The following ZC3HAV1 variants were observed in gnomAD, a reference collection of about 807,000 sequenced individuals.
ZC3HAV1 encodes the protein zinc finger CCCH-type containing, antiviral 1, also known as zinc finger CCCH-type antiviral protein 1.
ZC3HAV1 carries 41 observed loss-of-function variants against 86.6 expected under a neutral mutation model. The observed-to-expected ratio is 0.47, with a 90% confidence interval of 0.37 to 0.61. The LOEUF (loss-of-function observed/expected upper bound fraction) is 0.61. Among genes scored for constraint, ZC3HAV1 ranks in the 20% least tolerant of loss-of-function variants. The probability of loss-of-function intolerance (pLI) is 0.00; values close to 1 mark genes in which losing one functional copy is unlikely to be tolerated. For missense variants in ZC3HAV1, 964 were observed against 1,141.1 expected, an observed-to-expected ratio of 0.84 and a Z score of 2.24; for synonymous variants, 421 against 432.1, an observed-to-expected ratio of 0.97 and a Z score of 0.32.
chr7:139,066,357 C>T (rs887897632), intron 7 of ZC3HAV1, among the ~76,000 whole-genome samples: 6 of 152,264 alleles, frequency 3.9e-5, no homozygotes, highest in Non-Finnish European at 7.4e-5. Flanking sequence ...CCAAGGAAAA[C>T]GTCCTGCACA....
chr7:139,076,471 A>G, intron 5 of ZC3HAV1, 62 bp from the exon 6 acceptor site: 9 of 1,599,180 alleles, frequency 5.6e-6, no homozygotes, highest in Non-Finnish European at 7.7e-6. Context: ...AATTCAGTCA[A>G]GTTCACTGCC....
chr7:139,106,475 A>C (rs35923157), intron 1 of ZC3HAV1, among the ~76,000 whole-genome samples: 34,256 of 152,002 alleles, frequency 0.23, 4,086 homozygotes, highest in East Asian at 0.44. Context: ...TTAGCCAAGC[A>C]TGGTGGCACA....
Position 139,108,394 on chromosome 7 carries a change from G to A in ZC3HAV1, c.308+630C>T, listed in dbSNP as rs1297755134. 6.6e-6 allele frequency among the ~76,000 whole-genome samples: 1 copy of A among 152,154 alleles called. No individual in the cohort carries two copies. Among genetic ancestry groups the A allele is most frequent in the Non-Finnish European group, 1.5e-5 (1 of 68,024 alleles). ...GGTCAACTGCGCGCGCCACCGTAGA[G>A]AGACCACCCGGAGGGAAGGCCCGCG... On this transcript the variant is annotated intron_variant, in intron 1 of 12. Transcript: ENST00000242351. The surrounding 1 kb of genome is among the most constrained non-coding windows in gnomAD (Gnocchi z 4.2).
Position 139,109,253 on chromosome 7 carries a change from G to A in ZC3HAV1, c.79C>T (p.Leu27Phe). The stretch of plus-strand genomic sequence containing the variant: ...GGCTCAGACAGCGCGATCTCCTGGA[G>A]CAGCGCGTCCAGGGCCATGCGGCCC... ...HGGRMALDAL[L>F]QEIALSEPQL... Residue 27 changes from leucine to phenylalanine, a missense_variant, in exon 1 of 13, where the codon CTC becomes TTC. Physicochemically the swap from Leu to Phe is conservative, Grantham distance 22. Transcript: ENST00000242351. 1 of 1,612,078 alleles carries A rather than the reference G, an allele frequency of 6.2e-7. No individual in the cohort carries two copies. Among genetic ancestry groups the A allele is most frequent in the Non-Finnish European group, 8.5e-7 (1 of 1,179,514 alleles).
chr7:139,083,853 G>C lies in ZC3HAV1; in HGVS notation c.624C>G (p.Asn208Lys), dbSNP rs1817199927. 6.2e-7 allele frequency: 1 copy of C among 1,614,106 alleles called. No homozygotes were observed. Among genetic ancestry groups the C allele is most frequent in the Non-Finnish European group, 8.5e-7 (1 of 1,180,026 alleles). ...CCTGGATGTTCTGGACCACGTCGGG[G>C]TTCAGCCCGTGCTCCCTCATGATGG... ...VLAIMREHGL[N>K]PDVVQNIQDI... The change falls in exon 3 of 13, where the codon AAC becomes AAG. Residue 208 changes from asparagine to lysine, a missense_variant. Asn to Lys is a moderately conservative substitution (Grantham distance 94). Coordinates refer to ENST00000242351, the MANE Select transcript of ZC3HAV1 (RefSeq NM_020119.4).
intron 4 of ZC3HAV1, 37 bp from the exon 5 acceptor site, chr7:139,078,690 A>G (rs1410307105): frequency 6.8e-7 from 1 of 1,470,638 alleles, no homozygotes; most frequent in Non-Finnish European, 9.2e-7. Context: ...TGCTGATCTT[A>G]ATGTTTAAAC....
At chr7:139,071,902 T>C (rs1261517115) in intron 7 of ZC3HAV1, among the ~76,000 whole-genome samples, 2 of 152,232 alleles carry the variant, frequency 1.3e-5, no homozygotes, top group African/African-American at 2.4e-5. Context: ...GGGCTGTTTG[T>C]GGTTGAGGAC....
rs1815937141 is a variant in ZC3HAV1 at position 139,045,806 on chromosome 7, C to T, written c.*1788G>A. 1 of 151,014 alleles carries T rather than the reference C, an allele frequency of 6.6e-6. No homozygotes were observed. The highest frequency in any genetic ancestry group is 2.4e-5 in the African/African-American group (1 of 41,084). 9.4% of individuals were successfully genotyped at this position (151,014 alleles called of 1,614,324 possible). On this transcript the variant is annotated 3_prime_UTR_variant, in exon 13 of 13. Coordinates refer to ENST00000242351, the MANE Select transcript of ZC3HAV1 (RefSeq NM_020119.4). ...GTGAGGGTCAAGTTCAGAAAATGAA[C>T]ACTCCAAAACGAAAGTTACCATGAA... is the stretch of plus-strand genomic sequence containing the variant.
rs1437194019 is a variant in ZC3HAV1 at position 139,047,621 on chromosome 7, A to C, written c.2682T>G (p.Thr894=). The C allele has an allele frequency of 9.3e-6, 15 of 1,614,116 alleles. No homozygotes were observed. Among genetic ancestry groups the C allele is most frequent in the Non-Finnish European group, 1.2e-5 (14 of 1,180,022 alleles). Residue 894 remains threonine, a synonymous_variant, in exon 13 of 13, where the codon ACT becomes ACG. Transcript: ENST00000242351. The part of the protein sequence containing the change: ...QVYPQYVIEY[T]EDKACVIS The stretch of plus-strand genomic sequence containing the variant: ...AACTAATCACGCAGGCTTTGTCTTC[A>C]GTATATTCAATCACATATTGTGGGT...
At chr7:139,095,992 C>T (rs992755127) in intron 1 of ZC3HAV1, among the ~76,000 whole-genome samples, 1 of 150,110 alleles carries the variant, frequency 6.7e-6, no homozygotes, top group Non-Finnish European at 1.5e-5. Context: ...CAGGTGGTGG[C>T]GTTACTGCTA....
rs1007369704 is a variant in ZC3HAV1 at position 139,108,874 on chromosome 7, C to T, written c.308+150G>A. Reference sequence around the variant, plus strand: ...GAAGCGCGGGCCCTGCAGAGGCTCCCAGAGGGGAGCAGAGAAGGGAGTGGC... The same window carrying T: ...GAAGCGCGGGCCCTGCAGAGGCTCCTAGAGGGGAGCAGAGAAGGGAGTGGC... On this transcript the variant is annotated intron_variant, in intron 1 of 12. Coordinates refer to ENST00000242351, the MANE Select transcript of ZC3HAV1 (RefSeq NM_020119.4). The surrounding 1 kb of genome is among the most constrained non-coding windows in gnomAD (Gnocchi z 4.2). 3.7e-6 allele frequency: 4 copies of T among 1,068,222 alleles called. No homozygotes were observed. The highest frequency in any genetic ancestry group is 5.3e-6 in the Non-Finnish European group (4 of 755,204). 66.2% of individuals were successfully genotyped at this position (1,068,222 alleles called of 1,614,324 possible).
chr7:139,060,486 ATC>A (rs1816410480), intron 9 of ZC3HAV1: 1 of 992,408 alleles, frequency 1.0e-6, no homozygotes, highest in Non-Finnish European at 1.2e-6. Flanking sequence ...CCTTTTTTCT[ATC>A]TCTTTCTCCG....
At chr7:139,054,970 G>A (rs1178527275) in intron 10 of ZC3HAV1, among the ~76,000 whole-genome samples, 2 of 151,856 alleles carry the variant, frequency 1.3e-5, no homozygotes, top group African/African-American at 4.8e-5. Context: ...TTGTATTTTC[G>A]GTAGAGACAG....
At chr7:139,100,634 C>T (rs1817724810) in intron 1 of ZC3HAV1, among the ~76,000 whole-genome samples, 1 of 152,188 alleles carries the variant, frequency 6.6e-6, no homozygotes. Flanking sequence ...CTGACGATAC[C>T]ACTTGGCCAC....
At chr7:139,060,305 A>G (rs569884683) in intron 9 of ZC3HAV1, 8 of 985,460 alleles carry the variant, frequency 8.1e-6, no homozygotes, top group Middle Eastern at 5.2e-4. Context: ...GTAATCACAC[A>G]TCACCCAGAA....
chr7:139,065,643 C>T (rs970983809), intron 7 of ZC3HAV1, among the ~76,000 whole-genome samples: 1 of 152,172 alleles, frequency 6.6e-6, no homozygotes, highest in African/African-American at 2.4e-5. Flanking sequence ...CAGTGGCTCA[C>T]ACCTGTAATC....
chr7:139,054,296 G>A (rs1413685140), intron 10 of ZC3HAV1, among the ~76,000 whole-genome samples: 1 of 152,144 alleles, frequency 6.6e-6, no homozygotes, highest in Non-Finnish European at 1.5e-5. Context: ...GTCTGTCCAG[G>A]CCAACTGAAA....
chr7:139,102,938 A>ATATG (rs770630535), intron 1 of ZC3HAV1, among the ~76,000 whole-genome samples: 2 of 146,656 alleles, frequency 1.4e-5, no homozygotes, highest in Non-Finnish European at 3.0e-5. Flanking sequence ...AAAAGTATAT[A>ATATG]TATATGTATA....
intron 2 of ZC3HAV1, among the ~76,000 whole-genome samples, chr7:139,087,904 T>C (rs1358384509): frequency 6.6e-6 from 1 of 151,606 alleles, no homozygotes; most frequent in African/African-American, 2.4e-5. Flanking sequence ...TGGTGGTGCA[T>C]GCCTGTAGTC....
Sources: allele counts gnomAD v4.1 joint callset (sites outside exome capture counted in the v4.1 genomes callset), GRCh38; gene constraint gnomAD v4.1.1; non-coding constraint Gnocchi (gnomAD v3.1); transcripts MANE v1.5; gene names NCBI Gene and HGNC (gene_info 2026-07-23, HGNC 2026-07-21).